Variants in FRMD3 observed in about 807,000 individuals in gnomAD.
FRMD3 encodes the protein FERM domain-containing protein 3.
A neutral mutation model predicts 70.2 loss-of-function variants in FRMD3; 33 were observed. That is an observed-to-expected ratio of 0.47 (90% CI 0.36 to 0.63). FRMD3 has a LOEUF of 0.63. Ranked by LOEUF, FRMD3 falls within the 20% of genes least tolerant of loss-of-function variation. The pLI is 0.00. For synonymous variants in FRMD3, 279 were observed against 255.9 expected, an observed-to-expected ratio of 1.09 and a Z score of -0.86; for missense variants, 632 against 711.4, an observed-to-expected ratio of 0.89 and a Z score of 1.27.
intron 1 of FRMD3, among the ~76,000 whole-genome samples, chr9:83,492,552 G>T (rs1018708453): frequency 6.6e-6 from 1 of 152,164 alleles, no homozygotes; most frequent in African/African-American, 2.4e-5. Context: ...AGGAGGAACG[G>T]GGGAGCAGGA....
At chr9:83,334,687 C>T (rs1360288106) in intron 6 of FRMD3, among the ~76,000 whole-genome samples, 1 of 152,026 alleles carries the variant, frequency 6.6e-6, no homozygotes, top group East Asian at 1.9e-4. Context: ...ACTTGAATTA[C>T]CTAAATTCCA....
intron 6 of FRMD3, among the ~76,000 whole-genome samples, chr9:83,324,199 TA>T (rs1835921477): frequency 6.6e-6 from 1 of 152,226 alleles, no homozygotes; most frequent in African/African-American, 2.4e-5. Flanking sequence ...GACACGAGAA[TA>T]CAGTATGAGT....
At chr9:83,402,562 A>C (rs1045406450) in intron 1 of FRMD3, among the ~76,000 whole-genome samples, 2 of 151,942 alleles carry the variant, frequency 1.3e-5, no homozygotes, top group African/African-American at 4.8e-5. Context: ...GGGTAGGGGG[A>C]AAATGTCCTC....
intron 10 of FRMD3, among the ~76,000 whole-genome samples, chr9:83,307,772 A>G (rs1011344539): frequency 6.6e-6 from 1 of 152,140 alleles, no homozygotes; most frequent in Non-Finnish European, 1.5e-5. Context: ...AAACCACAAA[A>G]CTGTATACTT....
In FRMD3 at chr9:83,250,871, G is replaced by A. The variant is rs545323526; in HGVS notation, c.1196-2355C>T. Among the ~76,000 whole-genome samples, 18 of 152,330 alleles carry A rather than the reference G, an allele frequency of 1.2e-4. No homozygotes were observed. The East Asian group carries it at 3.1e-3, about 26-fold the overall frequency. On this transcript the variant is annotated intron_variant, in intron 13 of 13. Coordinates refer to ENST00000304195, the MANE Select transcript of FRMD3 (RefSeq NM_174938.6). ...AGAGCTTTGATCTCTCCCTGAGATG[G>A]AGCTCCCAGGGGAAGGGGCAGCCAC...
intron 1 of FRMD3, among the ~76,000 whole-genome samples, chr9:83,479,739 GA>G (rs61541328): frequency 0.41 from 33,938 of 83,462 alleles, 7,413 homozygotes; most frequent in African/African-American, 0.56. Context: ...GGGAAAGAAA[GA>G]AAAAGAAAAG....
In FRMD3 at chr9:83,257,040, T is replaced by C. The variant is rs145717097; in HGVS notation, c.1196-8524A>G. ...TACTGGGTTTATACCCAAAGGAATA[T>C]AAATCATTCTATTATAAAGATACAT... On this transcript the variant is annotated intron_variant, in intron 13 of 13. Transcript: ENST00000304195. Among the ~76,000 whole-genome samples, 348 of 152,296 alleles carry C rather than the reference T, an allele frequency of 2.3e-3. 2 individuals carry two copies. Among genetic ancestry groups the C allele is most frequent in the African/African-American group, 7.8e-3 (325 of 41,550 alleles).
intron 1 of FRMD3, among the ~76,000 whole-genome samples, chr9:83,462,584 C>A (rs920083261): frequency 6.6e-6 from 1 of 152,126 alleles, no homozygotes; most frequent in Admixed American, 6.5e-5. Flanking sequence ...CCATGGTAAC[C>A]GCTTTCCAGG....
At chr9:83,293,157 A>T (rs1834514466) in intron 12 of FRMD3, among the ~76,000 whole-genome samples, 1 of 152,118 alleles carries the variant, frequency 6.6e-6, no homozygotes, top group African/African-American at 2.4e-5. Context: ...TAGATAGAGA[A>T]ATCTTTACAA....
intron 1 of FRMD3, among the ~76,000 whole-genome samples, chr9:83,450,347 G>GTTTTTTTTTTTT (rs763340189): frequency 7.2e-5 from 8 of 111,598 alleles, no homozygotes; most frequent in Non-Finnish European, 9.2e-5. Flanking sequence ...GTCACCCTCA[G>GTTTTTTTTTTTT]TTTTTTTTTT....
intron 1 of FRMD3, among the ~76,000 whole-genome samples, chr9:83,390,827 A>G (rs888846916): frequency 6.6e-6 from 1 of 152,220 alleles, no homozygotes; most frequent in African/African-American, 2.4e-5. Flanking sequence ...TAAGTGAGCT[A>G]CTTTTTCAAT....
chr9:83,303,170 G>A (rs950261480), intron 10 of FRMD3, among the ~76,000 whole-genome samples: 1 of 152,132 alleles, frequency 6.6e-6, no homozygotes, highest in African/African-American at 2.4e-5. Context: ...AGAGTTCCTG[G>A]AGTAACCATA....
At chr9:83,335,698 G>A in intron 5 of FRMD3, 59 bp from the exon 6 acceptor site, 1 of 1,499,096 alleles carries the variant, frequency 6.7e-7, no homozygotes, top group Non-Finnish European at 9.1e-7. Context: ...ACATGAGCAG[G>A]GTGCATATGG....
At chr9:83,384,635 T>A (rs1488567022) in intron 2 of FRMD3, among the ~76,000 whole-genome samples, 1 of 152,208 alleles carries the variant, frequency 6.6e-6, no homozygotes, top group Non-Finnish European at 1.5e-5. Context: ...AACATGACCT[T>A]GCATCCATGA....
At chr9:83,334,325 G>A (rs769113645) in intron 6 of FRMD3, among the ~76,000 whole-genome samples, 2 of 152,200 alleles carry the variant, frequency 1.3e-5, no homozygotes, top group Non-Finnish European at 2.9e-5. Context: ...ATGTTTTGAT[G>A]TCTAATCATC....
intron 1 of FRMD3, among the ~76,000 whole-genome samples, chr9:83,430,101 G>A (rs138752706): frequency 2.6e-5 from 4 of 152,240 alleles, no homozygotes; most frequent in Non-Finnish European, 5.9e-5. Context: ...CTTGAATCAA[G>A]GCCTTTCTGA....
At chr9:83,385,273 A>G (rs765477579) in intron 2 of FRMD3, among the ~76,000 whole-genome samples, 2 of 152,186 alleles carry the variant, frequency 1.3e-5, no homozygotes, top group Non-Finnish European at 2.9e-5. Flanking sequence ...CTCTATCAGT[A>G]AAATGGAGAG....
At chr9:83,250,679 G>A (rs1254154202) in intron 13 of FRMD3, among the ~76,000 whole-genome samples, 3 of 152,174 alleles carry the variant, frequency 2.0e-5, no homozygotes, top group Non-Finnish European at 4.4e-5. Flanking sequence ...GCTGGCTGTG[G>A]AGAACAGAGA....
At chr9:83,438,205 G>T (rs1337374807) in intron 1 of FRMD3, among the ~76,000 whole-genome samples, 1 of 152,128 alleles carries the variant, frequency 6.6e-6, no homozygotes, top group African/African-American at 2.4e-5. Context: ...ACAAAAATAT[G>T]GGGTAGTGAA....
Sources: allele counts gnomAD v4.1 joint callset (sites outside exome capture counted in the v4.1 genomes callset), GRCh38; gene constraint gnomAD v4.1.1; transcripts MANE v1.5; gene names NCBI Gene and HGNC (gene_info 2026-07-23, HGNC 2026-07-21).